SMAD6: variants seen among roughly 807,000 people sequenced by gnomAD.
SMAD6 encodes SMAD family member 6.
Under a neutral mutation model 39.4 loss-of-function variants are expected in SMAD6, and 103 were observed. That is an observed-to-expected ratio of 2.62 (90% CI 2.23 to 3.08). The LOEUF (loss-of-function observed/expected upper bound fraction) is 3.08, where lower values mean the gene tolerates loss of function less well. SMAD6 is among the 30% of genes most tolerant of loss of function. SMAD6 has a pLI of 0.00. For synonymous variants in SMAD6, 445 were observed against 353.3 expected, an observed-to-expected ratio of 1.26 and a Z score of -2.91; for missense variants, 1,104 against 742.9, an observed-to-expected ratio of 1.49 and a Z score of -5.65.
chr15:66,711,624 A>G, intron 1 of SMAD6, 44 bp from the exon 2 acceptor site: 1 of 1,482,934 alleles, frequency 6.7e-7, no homozygotes, highest in Non-Finnish European at 9.4e-7. Flanking sequence ...CTGAGGTGTG[A>G]GCTCCCCAAC....
At position 66,703,518 on chromosome 15, in the gene SMAD6, G is replaced by T; in HGVS notation, c.260G>T (p.Gly87Val). 1 of 1,222,408 alleles carries T rather than the reference G, an allele frequency of 8.2e-7. No homozygotes were observed. The highest frequency in any genetic ancestry group is 1.0e-6 in the Non-Finnish European group (1 of 979,304). The allele number at this position is 1,222,408 out of a possible 1,614,324, so 75.7% of individuals were successfully genotyped here. A position where few individuals can be genotyped will look rare whatever the true frequency, so the allele number is the denominator to read the frequency against. ...AQGAGRRRRA[G>V]GPPRPMSEPG... ...GGCGCGGGGAGGCGCCGGCGCGCAGGGGGCCCCCCGAGGCCCATGTCGGAG... is the reference window on the plus strand; with the variant it reads ...GGCGCGGGGAGGCGCCGGCGCGCAGTGGGCCCCCCGAGGCCCATGTCGGAG... The change falls in exon 1 of 4, where the codon GGG becomes GTG. Residue 87 changes from glycine (G) to valine (V), a missense_variant. Physicochemically the swap from Gly to Val is moderately radical, Grantham distance 109 (BLOSUM62 -3). Coordinates refer to ENST00000288840, the MANE Select transcript of SMAD6 (RefSeq NM_005585.5).
rs750113088 is a variant in SMAD6, at chr15:66,703,814, C to T, written c.556C>T (p.Arg186Cys). The change falls in exon 1 of 4, where the codon CGC (arginine) becomes TGC (cysteine). Residue 186 changes from arginine (R) to cysteine (C), a missense_variant. Physicochemically the swap from Arg to Cys is radical, Grantham distance 180. Coordinates refer to ENST00000288840, the MANE Select transcript of SMAD6 (RefSeq NM_005585.5). ...CTCGCTGCTGAAGCGGCTCAAGGAG[C>T]GCTCGCTGGACACGCTGCTGGAGGC... ...TYSLLKRLKE[R>C]SLDTLLEAVE... 9.1e-6 allele frequency: 13 copies of T among 1,428,142 alleles called. No individual in the cohort carries two copies. The African/African-American group carries it at 1.3e-4, about 15-fold the overall frequency. 88.5% of individuals were successfully genotyped at this position (1,428,142 alleles called of 1,614,324 possible).
At chr15:66,780,900 G>C in intron 3 of SMAD6, 97 bp from the exon 4 acceptor site, 1 of 1,252,428 alleles carries the variant, frequency 8.0e-7, no homozygotes, top group Admixed American at 2.3e-5. Context: ...ACCTTACCCA[G>C]CTCCCACTGT....
chr15:66,762,466 T>A (rs1046235328), intron 3 of SMAD6, among the ~76,000 whole-genome samples: 3 of 152,134 alleles, frequency 2.0e-5, no homozygotes, highest in Admixed American at 6.5e-5. Flanking sequence ...GGGAATTTGC[T>A]TCCAGGGTTT....
In SMAD6 at chr15:66,782,041, G is replaced by A. The variant is rs1044478498; in HGVS notation, c.*506G>A. ...AAAGAGGGGCAGGTAGGGCTTCAGC[G>A]GATTTCTGACCCATCATGTACCTTG... On this transcript the variant is annotated 3_prime_UTR_variant, in exon 4 of 4. Transcript: ENST00000288840. 1.5e-5 allele frequency: 6 copies of A among 398,016 alleles called. No individual in the cohort carries two copies. The highest frequency in any genetic ancestry group is 3.6e-5 in the East Asian group (1 of 28,004). 24.7% of individuals were successfully genotyped at this position (398,016 alleles called of 1,614,324 possible).
chr15:66,743,231 C>T (rs576863427), intron 3 of SMAD6, among the ~76,000 whole-genome samples: 1 of 152,102 alleles, frequency 6.6e-6, no homozygotes, highest in African/African-American at 2.4e-5. Flanking sequence ...AGTTTTCTTT[C>T]TAAGAAGAAG....
intron 1 of SMAD6, 104 bp downstream of exon 1, chr15:66,704,179 C>T: frequency 1.0e-6 from 1 of 954,834 alleles, no homozygotes; most frequent in Non-Finnish European, 1.4e-6. Context: ...GCGGGTGCTC[C>T]CCCGGGTGCC....
rs1276170565 is a variant in SMAD6, at chr15:66,709,159, CT to C, written c.818-2503del. 5.3e-5 allele frequency among the ~76,000 whole-genome samples: 8 copies of C among 152,332 alleles called. No homozygotes were observed. The East Asian group carries it at 1.3e-3, about 26-fold the overall frequency. ...TGGGGTGGAGTCTAAAGCCTTCATA[CT>C]TTTTTAGTTGCCTACAATGGAATTT... On this transcript the variant is annotated intron_variant, in intron 1 of 3. Coordinates refer to ENST00000288840, the MANE Select transcript of SMAD6 (RefSeq NM_005585.5).
At chr15:66,772,935 C>G (rs1371805437) in intron 3 of SMAD6, among the ~76,000 whole-genome samples, 1 of 152,196 alleles carries the variant, frequency 6.6e-6, no homozygotes, top group Non-Finnish European at 1.5e-5. Flanking sequence ...CGGCATGTTC[C>G]TCAGTCTCCC....
chr15:66,703,272 A>T lies in SMAD6; in HGVS notation c.14A>T (p.Lys5Ile). 2.0e-6 allele frequency: 3 copies of T among 1,481,066 alleles called. No individual in the cohort carries two copies. Among genetic ancestry groups the T allele is most frequent in the Non-Finnish European group, 2.7e-6 (3 of 1,115,066 alleles). 91.7% of individuals were successfully genotyped at this position (1,481,066 alleles called of 1,614,324 possible). A position where few individuals can be genotyped will look rare whatever the true frequency, so the allele number is the denominator to read the frequency against. ...AAAGGATATCGTATGTTCAGGTCCA[A>T]ACGCTCGGGGCTGGTGCGGCGACTT... MFRS[K>I]RSGLVRRLWR... The change falls in exon 1 of 4, where the codon AAA becomes ATA. Residue 5 changes from lysine to isoleucine, a missense_variant. Lys to Ile is a moderately radical substitution (Grantham distance 102, BLOSUM62 -3). Coordinates refer to ENST00000288840, the MANE Select transcript of SMAD6 (RefSeq NM_005585.5).
intron 3 of SMAD6, among the ~76,000 whole-genome samples, chr15:66,778,532 G>C (rs1355887021): frequency 1.3e-5 from 2 of 152,178 alleles, no homozygotes; most frequent in Non-Finnish European, 2.9e-5. Flanking sequence ...CTCCCTTAGT[G>C]AGACAGTAAA....
intron 3 of SMAD6, among the ~76,000 whole-genome samples, chr15:66,749,975 G>C (rs1227671292): frequency 1.3e-5 from 2 of 152,148 alleles, no homozygotes. Context: ...CAGCCCTGGC[G>C]AGGTTTTGTC....
chr15:66,734,126 T>G (rs369886057), intron 3 of SMAD6, among the ~76,000 whole-genome samples: 72 of 152,312 alleles, frequency 4.7e-4, no homozygotes, highest in East Asian at 4.3e-3. Flanking sequence ...CATCAGTGCT[T>G]GCAGCCAGGA....
intron 1 of SMAD6, among the ~76,000 whole-genome samples, chr15:66,709,811 T>A (rs1308422023): frequency 6.6e-6 from 1 of 152,178 alleles, no homozygotes; most frequent in Non-Finnish European, 1.5e-5. Context: ...CAATTCTCTT[T>A]TCCTGTGGAA....
At chr15:66,727,630 G>A (rs1430529931) in intron 3 of SMAD6, among the ~76,000 whole-genome samples, 1 of 152,152 alleles carries the variant, frequency 6.6e-6, no homozygotes, top group Non-Finnish European at 1.5e-5. Flanking sequence ...AGAGGGCCTT[G>A]AATGCCACTT....
At chr15:66,750,221 T>G (rs767912838) in intron 3 of SMAD6, among the ~76,000 whole-genome samples, 1 of 152,150 alleles carries the variant, frequency 6.6e-6, no homozygotes. Context: ...GACAGAGACA[T>G]CAAATCTAGA....
At chr15:66,711,831 GGA>G in intron 2 of SMAD6, 107 bp downstream of exon 2, 1 of 943,912 alleles carries the variant, frequency 1.1e-6, no homozygotes, top group Non-Finnish European at 1.7e-6. Context: ...GGGCTGGAGG[GGA>G]GGGGTGAAAG....
chr15:66,758,503 G>T (rs28548632), intron 3 of SMAD6, among the ~76,000 whole-genome samples: 1 of 152,122 alleles, frequency 6.6e-6, no homozygotes, highest in African/African-American at 2.4e-5. Flanking sequence ...CGAGGTGGAC[G>T]GATCATCTGA....
At chr15:66,779,543 TG>T (rs1894522774) in intron 3 of SMAD6, among the ~76,000 whole-genome samples, 1 of 152,160 alleles carries the variant, frequency 6.6e-6, no homozygotes, top group Non-Finnish European at 1.5e-5. Context: ...GCTGGGTGGC[TG>T]GGCGGGCCTC....
Sources: gnomAD v4.1 joint callset for allele counts (sites outside exome capture counted in the v4.1 genomes callset) on GRCh38, gnomAD v4.1.1 for gene constraint, MANE v1.5 for transcripts, NCBI Gene and HGNC (gene_info 2026-07-23, HGNC 2026-07-21) for gene names.